The following FSIP2 variants were observed in gnomAD, a reference collection of about 807,000 sequenced individuals.
The protein encoded by FSIP2 is fibrous sheath interacting protein 2, also known as fibrous sheath-interacting protein 2.
In FSIP2, 367 loss-of-function variants were observed where a neutral mutation model predicts 510.5. The ratio of observed to expected loss-of-function variants is 0.72; its 90% CI spans 0.66 to 0.78. The LOEUF is 0.78. Among genes scored for constraint, FSIP2 ranks in the 30% least tolerant of loss-of-function variants. The pLI is 0.00. For synonymous variants in FSIP2, 2,601 were observed against 2,732.2 expected (o/e 0.95, Z 1.50); for missense variants, 7,594 against 7,901.7 (o/e 0.96, Z 1.48).
chr2:185,825,424 G>A (rs1446365189), intron 20 of FSIP2, among the ~76,000 whole-genome samples: 1 of 151,708 alleles, frequency 6.6e-6, no homozygotes, highest in Non-Finnish European at 1.5e-5. Flanking sequence ...ACAGACATGG[G>A]ACACCAGAAG....
intron 21 of FSIP2, 92 bp from the exon 22 acceptor site, chr2:185,831,721 T>C (rs1020532059): frequency 6.5e-6 from 5 of 772,012 alleles, no homozygotes; most frequent in African/African-American, 3.4e-5. Flanking sequence ...GTGGTATTTA[T>C]AGGTATATCT....
At chr2:185,830,198 C>T (rs928250352) in intron 21 of FSIP2, among the ~76,000 whole-genome samples, 4 of 151,726 alleles carry the variant, frequency 2.6e-5, no homozygotes, top group Non-Finnish European at 5.9e-5. Flanking sequence ...ATCTGACTAC[C>T]TATATAAAAT....
At position 185,800,941 on chromosome 2, in the gene FSIP2, G is replaced by A. The variant is rs1693419406; in HGVS notation, c.11635G>A (p.Glu3879Lys). 1 of 1,530,862 alleles carries A rather than the reference G, an allele frequency of 6.5e-7. No homozygotes were observed. Among genetic ancestry groups the A allele is most frequent in the African/African-American group, 1.4e-5 (1 of 72,736 alleles). 94.8% of individuals were successfully genotyped at this position (1,530,862 alleles called of 1,614,324 possible). ...TAAGCATTTGAACTACAGAACAAGA[G>A]AAATACAGTCTAGTTTCATAAAAGC... ...ANKHLNYRTREIQSSFIKARK... is the reference protein window; with the variant it reads ...ANKHLNYRTRKIQSSFIKARK... Residue 3879 changes from glutamate (E) to lysine (K), a missense_variant, in exon 17 of 23, where the codon GAA becomes AAA. By Grantham distance (56) the Glu-to-Lys change is moderately conservative. Coordinates refer to ENST00000424728, the MANE Select transcript of FSIP2 (RefSeq NM_173651.4).
Position 185,790,539 on chromosome 2 carries a change from A to G in FSIP2, c.3403A>G (p.Ser1135Gly), listed in dbSNP as rs1693096824. The change falls in exon 16 of 23, where the codon AGT becomes GGT. Residue 1135 changes from serine (S) to glycine (G), a missense_variant. Ser to Gly is a moderately conservative substitution (Grantham distance 56). Coordinates refer to ENST00000424728, the MANE Select transcript of FSIP2 (RefSeq NM_173651.4). ...TGGTCACTTAGACAGCAAAACTGGC[A>G]GTGAAGCTTCAGTTCTTGTTTCAGA... ...PFGHLDSKTG[S>G]EASVLVSEKP... 1 of 1,533,948 alleles carries G rather than the reference A, an allele frequency of 6.5e-7. No homozygotes were observed. Among genetic ancestry groups the G allele is most frequent in the Admixed American group, 2.0e-5 (1 of 50,800 alleles).
intron 17 of FSIP2, among the ~76,000 whole-genome samples, chr2:185,811,462 C>T (rs1037128625): frequency 6.8e-6 from 1 of 146,984 alleles, no homozygotes; most frequent in African/African-American, 2.5e-5. Flanking sequence ...AAGCGAGACT[C>T]CACCTCAAAA....
rs13417542 is a variant in FSIP2, at chr2:185,765,798, T to C, written c.1411+1233T>C. On this transcript the variant is annotated intron_variant, in intron 13 of 22. Coordinates refer to ENST00000424728, the MANE Select transcript of FSIP2 (RefSeq NM_173651.4). ...TGAGCATGGAATGTTCTTCTATTTG[T>C]TTGTATCCTCTTTTATTTCCTTGAG... 7.2e-5 allele frequency: 11 copies of C among 152,132 alleles called. No individual in the cohort carries two copies. The East Asian group carries it at 1.9e-3, about 27-fold the overall frequency. The allele number at this position is 152,132 out of a possible 1,614,324, so 9.4% of individuals were successfully genotyped here.
At chr2:185,809,367 T>A (rs1401550856) in intron 17 of FSIP2, among the ~76,000 whole-genome samples, 6 of 152,082 alleles carry the variant, frequency 3.9e-5, no homozygotes, top group African/African-American at 1.4e-4. Flanking sequence ...AAGACAATCC[T>A]TTTGAAAGTT....
In FSIP2 at chr2:185,805,561, G is replaced by C. The variant is rs201877929; in HGVS notation, c.16255G>C (p.Val5419Leu). The change falls in exon 17 of 23, where the codon GTT becomes CTT. Residue 5419 changes from valine to leucine, a missense_variant. Val to Leu is a conservative substitution (Grantham distance 32). Transcript: ENST00000424728. ...AAATCCAGATAATATCACCCAAAGG[G>C]TTCAACACCTACCACAAAACACCTT... is the stretch of plus-strand genomic sequence containing the variant. ...FLNPDNITQR[V>L]QHLPQNTFTQ... The C allele has an allele frequency of 1.2e-4, 190 of 1,610,804 alleles. No individual in the cohort carries two copies. In the African/African-American group the frequency reaches 2.4e-3, roughly 21 times the overall value.
At chr2:185,774,667 G>A (rs1692680007) in intron 13 of FSIP2, among the ~76,000 whole-genome samples, 1 of 144,662 alleles carries the variant, frequency 6.9e-6, no homozygotes, top group African/African-American at 2.6e-5. Flanking sequence ...TGCCATGCTG[G>A]TGTGCTGCAC....
intron 19 of FSIP2, among the ~76,000 whole-genome samples, chr2:185,820,731 C>G (rs929949561): frequency 1.3e-4 from 20 of 151,250 alleles, no homozygotes; most frequent in African/African-American, 4.6e-4. Flanking sequence ...ATACTATCAA[C>G]TTATGGGTCA....
Position 185,803,446 on chromosome 2 carries a change from G to A in FSIP2, c.14140G>A (p.Val4714Met), listed in dbSNP as rs773029340. 2.9e-5 allele frequency: 44 copies of A among 1,529,472 alleles called. No individual in the cohort carries two copies. The African/African-American group carries it at 3.0e-4, about 11-fold the overall frequency. The allele number at this position is 1,529,472 out of a possible 1,614,324, so 94.7% of individuals were successfully genotyped here. A position where few individuals can be genotyped will look rare whatever the true frequency, so the allele number is the denominator to read the frequency against. The change falls in exon 17 of 23, where the codon GTG becomes ATG. Residue 4714 changes from valine (V) to methionine (M), a missense_variant. Val to Met is a conservative substitution (Grantham distance 21). Transcript: ENST00000424728. ...KVLQEYEMEV[V>M]PNKDFLNDTK... ...TTTGCAAGAATATGAAATGGAAGTC[G>A]TGCCCAATAAAGATTTTCTAAATGA... is the stretch of plus-strand genomic sequence containing the variant.
At chr2:185,761,873 A>G (rs1692359435) in intron 10 of FSIP2, 99 bp from the exon 11 acceptor site, 1 of 594,046 alleles carries the variant, frequency 1.7e-6, no homozygotes, top group Non-Finnish European at 2.9e-6. Context: ...TAAAAGAGGG[A>G]AAACATCTGT....
At chr2:185,821,891 G>A (rs1478497334) in intron 19 of FSIP2, among the ~76,000 whole-genome samples, 3 of 147,550 alleles carry the variant, frequency 2.0e-5, no homozygotes, top group Non-Finnish European at 3.0e-5. Flanking sequence ...ACACCACTTC[G>A]CTCCAGCCTG....
rs1480677214 is a variant in FSIP2, at chr2:185,790,833, T to G, written c.3697T>G (p.Leu1233Val). ...TGACAGTGAAAAGAAAATGAAATAT[T>G]TATCTTTATTTGACGTTGATCCTGA... is the stretch of plus-strand genomic sequence containing the variant. ...WFDSEKKMKY[L>V]SLFDVDPEKP... Residue 1233 changes from leucine to valine, a missense_variant, in exon 16 of 23, where the codon TTA becomes GTA. By Grantham distance (32) the Leu-to-Val change is conservative. Transcript: ENST00000424728. 6.5e-7 allele frequency: 1 copy of G among 1,533,098 alleles called. No individual in the cohort carries two copies. Among genetic ancestry groups the G allele is most frequent in the East Asian group, 2.5e-5 (1 of 40,814 alleles). 95.0% of individuals were successfully genotyped at this position (1,533,098 alleles called of 1,614,324 possible).
chr2:185,738,243 A>G (rs1391468733), upstream of FSIP2: 1 of 269,394 alleles, frequency 3.7e-6, no homozygotes, highest in African/African-American at 2.3e-5. Context: ...CAAGCACTTT[A>G]TAAATTTCGG....
At chr2:185,738,520 G>A, upstream of FSIP2, 20 of 1,276,676 alleles carry the variant, frequency 1.6e-5, no homozygotes, top group South Asian at 2.5e-4. Flanking sequence ...AATTTTTATT[G>A]AACGGAACAG....
chr2:185,821,009 TA>T (rs59331328), intron 19 of FSIP2, among the ~76,000 whole-genome samples: 10,346 of 74,942 alleles, frequency 0.14, 535 homozygotes, highest in Middle Eastern at 0.16. Context: ...GTTGGTTCGT[TA>T]AAAAAAAAAA....
chr2:185,793,354 T>C lies in FSIP2; in HGVS notation c.6218T>C (p.Ile2073Thr), dbSNP rs148351925. 6.9e-5 allele frequency: 106 copies of C among 1,534,082 alleles called. No homozygotes were observed. The East Asian group carries it at 7.3e-4, about 11-fold the overall frequency. ...GATTTAGATCAGCAAAAAGGTGTTA[T>C]TGAAAAGCTGCTCAATGAGACCAAA... ...EIDLDQQKGVIEKLLNETKYR... is the reference protein window; with the variant it reads ...EIDLDQQKGVTEKLLNETKYR... Residue 2073 changes from isoleucine to threonine, a missense_variant, in exon 16 of 23, where the codon ATT becomes ACT. Transcript: ENST00000424728.
In FSIP2 at chr2:185,789,661, T is replaced by A; in HGVS notation, c.2525T>A (p.Phe842Tyr). ...CTTGTTTCTTTTAAGCAAAATGAATTTCTTCATCTTAAAGACACAAATAAG... is the reference window on the plus strand; with the variant it reads ...CTTGTTTCTTTTAAGCAAAATGAATATCTTCATCTTAAAGACACAAATAAG... ...MTLVSFKQNE[F>Y]LHLKDTNKLS... The change falls in exon 16 of 23, where the codon TTT (phenylalanine) becomes TAT (tyrosine). Residue 842 changes from phenylalanine to tyrosine, a missense_variant. Transcript: ENST00000424728. 1 of 1,534,144 alleles carries A rather than the reference T, an allele frequency of 6.5e-7. No homozygotes were observed. The highest frequency in any genetic ancestry group is 8.7e-7 in the Non-Finnish European group (1 of 1,145,668).
Sources: allele counts gnomAD v4.1 joint callset (sites outside exome capture counted in the v4.1 genomes callset), GRCh38; gene constraint gnomAD v4.1.1; transcripts MANE v1.5; gene names NCBI Gene and HGNC (gene_info 2026-07-23, HGNC 2026-07-21).